RARS2: variants seen among roughly 807,000 people sequenced by gnomAD.
The protein encoded by RARS2 is probable arginine--tRNA ligase, mitochondrial.
Under a neutral mutation model 88.5 loss-of-function variants are expected in RARS2, and 67 were observed. The ratio of observed to expected loss-of-function variants is 0.76; its 90% CI spans 0.62 to 0.93. The LOEUF is 0.93. RARS2 is among the 40% of genes least tolerant of loss of function. The pLI is 0.00. For synonymous variants in RARS2, 239 were observed against 230.3 expected (o/e 1.04, Z -0.34); for missense variants, 664 against 684.2 (o/e 0.97, Z 0.33).
chr6:87,575,545 C>G (rs1771220302), intron 1 of RARS2, among the ~76,000 whole-genome samples: 1 of 152,168 alleles, frequency 6.6e-6, no homozygotes, highest in South Asian at 2.1e-4. Flanking sequence ...CAGCAGGCTC[C>G]AGAGAGGATG....
chr6:87,526,844 T>C (rs1044312407), intron 10 of RARS2, among the ~76,000 whole-genome samples: 3 of 151,760 alleles, frequency 2.0e-5, no homozygotes, highest in African/African-American at 4.8e-5. Context: ...CTAATTTTTG[T>C]ATTTTTAGTA....
At chr6:87,554,973 G>T (rs997662854) in intron 5 of RARS2, among the ~76,000 whole-genome samples, 5 of 151,870 alleles carry the variant, frequency 3.3e-5, no homozygotes, top group Non-Finnish European at 5.9e-5. Context: ...GTATGGTGGC[G>T]GGCGCCTGTA....
intron 1 of RARS2, among the ~76,000 whole-genome samples, chr6:87,570,127 C>G (rs1196299999): frequency 6.6e-6 from 1 of 152,088 alleles, no homozygotes; most frequent in African/African-American, 2.4e-5. Flanking sequence ...ATCCCCGTCC[C>G]TATCAAAGGC....
chr6:87,526,335 G>A (rs1344059629), intron 10 of RARS2, among the ~76,000 whole-genome samples: 1 of 152,132 alleles, frequency 6.6e-6, no homozygotes, highest in African/African-American at 2.4e-5. Context: ...GGGCAACATG[G>A]TGAAACTCCA....
chr6:87,564,721 G>A, intron 2 of RARS2: 1 of 235,604 alleles, frequency 4.2e-6, no homozygotes, highest in Non-Finnish European at 8.5e-6. Context: ...TTAAAAGCAA[G>A]AAAATGAGAA....
chr6:87,518,624 T>C lies in RARS2; in HGVS notation c.1415+6A>G, dbSNP rs768826734. The C allele has an allele frequency of 3.7e-6, 6 of 1,607,530 alleles. No homozygotes were observed. The Admixed American group carries it at 1.0e-4, about 27-fold the overall frequency. On this transcript the variant is annotated splice_donor_region_variant and intron_variant, in intron 16 of 19. Transcript: ENST00000369536. Reference sequence around the variant, plus strand: ...AGCACAAGGTTTCCCTGCAGCCTCTTCTCACCTGTGGAGGCGGGCGTGTGT... The same window carrying C: ...AGCACAAGGTTTCCCTGCAGCCTCTCCTCACCTGTGGAGGCGGGCGTGTGT...
At position 87,520,245 on chromosome 6, in the gene RARS2, T is replaced by C; in HGVS notation, c.1047A>G (p.Gly349=). The C allele has an allele frequency of 6.2e-7, 1 of 1,609,380 alleles. No individual in the cohort carries two copies. Among genetic ancestry groups the C allele is most frequent in the Non-Finnish European group, 8.5e-7 (1 of 1,176,108 alleles). ...FDTMIYVTDK[G]QKKHFQQVFQ... ...ATACTTGCTGAAAATGCTTTTTTTG[T>C]CCTTTATCTGTCTTGGGAAGAAAAT... The change falls in exon 13 of 20, where the codon GGA becomes GGG. Residue 349 remains glycine (G), a synonymous_variant. Transcript: ENST00000369536.
intron 8 of RARS2, among the ~76,000 whole-genome samples, chr6:87,538,752 G>T (rs1206370709): frequency 6.6e-6 from 1 of 152,088 alleles, no homozygotes; most frequent in Non-Finnish European, 1.5e-5. Flanking sequence ...TTAAAAAATA[G>T]GTTGGGTGTG....
chr6:87,546,728 C>T (rs1045378421), intron 6 of RARS2, among the ~76,000 whole-genome samples: 1 of 152,174 alleles, frequency 6.6e-6, no homozygotes, highest in Non-Finnish European at 1.5e-5. Context: ...TACAATAAAT[C>T]CTCTTCTGCC....
At chr6:87,566,473 A>C (rs1324744442) in intron 2 of RARS2, among the ~76,000 whole-genome samples, 1 of 152,180 alleles carries the variant, frequency 6.6e-6, no homozygotes, top group East Asian at 1.9e-4. Context: ...TTTATAATAG[A>C]AAAACACATT....
chr6:87,565,367 C>T (rs1180049690), intron 2 of RARS2, among the ~76,000 whole-genome samples: 2 of 151,990 alleles, frequency 1.3e-5, no homozygotes, highest in Admixed American at 6.6e-5. Context: ...GCCATTTATC[C>T]TTTTCACTGG....
chr6:87,515,069 TTG>T, intron 18 of RARS2, 49 bp from the exon 19 acceptor site: 5 of 1,394,926 alleles, frequency 3.6e-6, no homozygotes, highest in Non-Finnish European at 4.1e-6. Context: ...TAATTTCCTG[TTG>T]TAAGATATGA....
chr6:87,585,495 C>T (rs1204686287), intron 1 of RARS2, among the ~76,000 whole-genome samples: 1 of 152,104 alleles, frequency 6.6e-6, no homozygotes, highest in Non-Finnish European at 1.5e-5. Context: ...CTTTGGGAGG[C>T]TGAGATGGGT....
chr6:87,577,456 C>T (rs1771919039), intron 1 of RARS2, among the ~76,000 whole-genome samples: 1 of 152,162 alleles, frequency 6.6e-6, no homozygotes, highest in African/African-American at 2.4e-5. Flanking sequence ...CCTAGCCTCC[C>T]AAAGTGCTGG....
At chr6:87,548,667 AT>A in intron 5 of RARS2, 21 bp from the exon 6 acceptor site, 1 of 1,607,316 alleles carries the variant, frequency 6.2e-7, no homozygotes, top group Non-Finnish European at 8.5e-7. Flanking sequence ...AATGGGAAAC[AT>A]TTCTCTATTC....
chr6:87,516,754 A>G lies in RARS2; in HGVS notation c.1586+52T>C, dbSNP rs559549553. The G allele has an allele frequency of 5.2e-5, 83 of 1,604,400 alleles. No homozygotes were observed. The African/African-American group carries it at 9.9e-4, about 19-fold the overall frequency. ...TGTTTACAGGAAACCTTTAGATGAA[A>G]GAAAGGTCTCAAATGCCATTAACAC... On this transcript the variant is annotated intron_variant, in intron 18 of 19. Coordinates refer to ENST00000369536, the MANE Select transcript of RARS2 (RefSeq NM_020320.5).
chr6:87,520,044 C>T lies in RARS2; in HGVS notation c.1112+136G>A, dbSNP rs909095350. 3.6e-6 allele frequency: 3 copies of T among 822,420 alleles called. No individual in the cohort carries two copies. The African/African-American group carries it at 5.1e-5, about 14-fold the overall frequency. 50.9% of individuals were successfully genotyped at this position (822,420 alleles called of 1,614,324 possible). A position where few individuals can be genotyped will look rare whatever the true frequency, so the allele number is the denominator to read the frequency against. Reference sequence around the variant, plus strand: ...AAATTATTATAACCAAGACATAATACAAAAATCAAATCTACCTTTCCACAC... The same window carrying T: ...AAATTATTATAACCAAGACATAATATAAAAATCAAATCTACCTTTCCACAC... On this transcript the variant is annotated intron_variant, in intron 13 of 19. Transcript: ENST00000369536.
At chr6:87,533,723 C>T (rs16879526) in intron 8 of RARS2, among the ~76,000 whole-genome samples, 4 of 152,174 alleles carry the variant, frequency 2.6e-5, no homozygotes, top group Non-Finnish European at 5.9e-5. Context: ...AATAGCGTAA[C>T]ATTTTATTTT....
chr6:87,528,795 A>G (rs1448428448), intron 10 of RARS2, among the ~76,000 whole-genome samples: 1 of 152,194 alleles, frequency 6.6e-6, no homozygotes. Context: ...AGTTCTGGAG[A>G]TCTATTGTAC....
Sources: gnomAD v4.1 joint callset for allele counts (sites outside exome capture counted in the v4.1 genomes callset) on GRCh38, gnomAD v4.1.1 for gene constraint, MANE v1.5 for transcripts, NCBI Gene and HGNC (gene_info 2026-07-23, HGNC 2026-07-21) for gene names.